Variants in RXFP1 observed in about 807,000 individuals in gnomAD.
RXFP1 encodes the protein relaxin receptor 1.
RXFP1 carries 73 observed loss-of-function variants against 89.8 expected under a neutral mutation model. The ratio of observed to expected loss-of-function variants is 0.81; its 90% CI spans 0.67 to 0.99. The LOEUF (loss-of-function observed/expected upper bound fraction) is 0.99, where lower values mean the gene tolerates loss of function less well. Among genes scored for constraint, RXFP1 ranks in the 50% least tolerant of loss-of-function variants. The pLI is 0.00. For missense variants in RXFP1, 793 were observed against 895.5 expected (o/e 0.89, Z 1.46); for synonymous variants, 277 against 305.5 (o/e 0.91, Z 0.97).
chr4:158,606,308 T>A (rs1293748677), intron 5 of RXFP1, among the ~76,000 whole-genome samples: 1 of 152,248 alleles, frequency 6.6e-6, no homozygotes. Flanking sequence ...AAACATTGAA[T>A]TAATTCTCTT....
At chr4:158,551,099 T>C (rs1412838702) in intron 1 of RXFP1, among the ~76,000 whole-genome samples, 1 of 151,620 alleles carries the variant, frequency 6.6e-6, no homozygotes, top group Non-Finnish European at 1.5e-5. Flanking sequence ...AATGAAAATG[T>C]GGTATATATA....
intron 9 of RXFP1, among the ~76,000 whole-genome samples, chr4:158,625,113 G>A (rs933289806): frequency 6.6e-6 from 1 of 152,112 alleles, no homozygotes; most frequent in South Asian, 2.1e-4. Context: ...TCAGGGTAAT[G>A]ATTAGCAACC....
intron 1 of RXFP1, among the ~76,000 whole-genome samples, chr4:158,565,312 T>C (rs1479693951): frequency 6.6e-6 from 1 of 152,230 alleles, no homozygotes; most frequent in African/African-American, 2.4e-5. Flanking sequence ...TAGTTTTCAG[T>C]ATTAGAAATA....
intron 2 of RXFP1, among the ~76,000 whole-genome samples, chr4:158,591,616 G>A (rs1239380677): frequency 6.6e-6 from 1 of 151,818 alleles, no homozygotes; most frequent in Non-Finnish European, 1.5e-5. Flanking sequence ...AGTCGTGGTG[G>A]TGCACCCCTA....
chr4:158,535,248 G>T (rs1024471891), intron 1 of RXFP1, among the ~76,000 whole-genome samples: 2 of 152,112 alleles, frequency 1.3e-5, no homozygotes, highest in African/African-American at 4.8e-5. Context: ...GCAGATGCTT[G>T]GAGATGAAGT....
intron 8 of RXFP1, among the ~76,000 whole-genome samples, chr4:158,616,752 A>G (rs1188490968): frequency 6.6e-6 from 1 of 151,510 alleles, no homozygotes; most frequent in African/African-American, 2.4e-5. Context: ...CAATCCCAGC[A>G]CTTTGGGAGT....
At chr4:158,543,765 A>G in intron 1 of RXFP1, 1 of 985,142 alleles carries the variant, frequency 1.0e-6, no homozygotes. Context: ...TTAACACTCC[A>G]TCTCCCACCT....
rs1554019454 is a variant in RXFP1 at position 158,626,117 on chromosome 4, T to TAGATAGATAGATAGAC, written c.756-688_756-687insCAGATAGATAGATAGA. 1.9e-4 allele frequency among the ~76,000 whole-genome samples: 10 copies of TAGATAGATAGATAGAC among 54,030 alleles called. 1 individual carries two copies. Among genetic ancestry groups the TAGATAGATAGATAGAC allele is most frequent in the African/African-American group, 6.5e-4 (10 of 15,332 alleles). The allele number at this position is 54,030 out of a possible 152,430, so 35.4% of individuals were successfully genotyped here. A position where few individuals can be genotyped will look rare whatever the true frequency, so the allele number is the denominator to read the frequency against. On this transcript the variant is annotated intron_variant, in intron 9 of 17. Coordinates refer to ENST00000307765, the MANE Select transcript of RXFP1 (RefSeq NM_021634.4). Reference sequence around the variant, plus strand: ...GATTATATTTAGATATCTATATAGATAGATAGATAGATAGATAGATAGATA... The same window carrying TAGATAGATAGATAGAC: ...GATTATATTTAGATATCTATATAGATAGATAGATAGATAGACAGATAGATAGATAGATAGATAGATA...
chr4:158,592,212 A>C (rs946096300), intron 2 of RXFP1, among the ~76,000 whole-genome samples: 6 of 152,218 alleles, frequency 3.9e-5, no homozygotes, highest in African/African-American at 9.6e-5. Flanking sequence ...TTTAGATACC[A>C]TGGTGCCTTT....
intron 1 of RXFP1, among the ~76,000 whole-genome samples, chr4:158,549,449 C>G (rs1383149585): frequency 6.6e-6 from 1 of 152,186 alleles, no homozygotes; most frequent in Non-Finnish European, 1.5e-5. Context: ...CTTCTCTCAG[C>G]TCGTCAAACT....
intron 17 of RXFP1, among the ~76,000 whole-genome samples, chr4:158,650,834 G>A (rs1772564413): frequency 6.6e-6 from 1 of 152,110 alleles, no homozygotes; most frequent in Non-Finnish European, 1.5e-5. Flanking sequence ...ATGGATGATG[G>A]TGATAGTATC....
chr4:158,579,338 G>A (rs752884790), intron 2 of RXFP1, among the ~76,000 whole-genome samples: 1 of 152,026 alleles, frequency 6.6e-6, no homozygotes, highest in Non-Finnish European at 1.5e-5. Flanking sequence ...GCACAATCTC[G>A]GCTCACTGCA....
At chr4:158,626,932 CT>C in intron 10 of RXFP1, 41 bp downstream of exon 10, 1 of 1,095,596 alleles carries the variant, frequency 9.1e-7, no homozygotes, top group Non-Finnish European at 1.3e-6. Context: ...ATTATCTTTT[CT>C]TACAAATAAA....
intron 14 of RXFP1, among the ~76,000 whole-genome samples, chr4:158,643,013 A>C (rs904962126): frequency 2.0e-5 from 3 of 152,210 alleles, no homozygotes; most frequent in African/African-American, 4.8e-5. Flanking sequence ...TTTGTATAGC[A>C]TGCGAAGAAG....
intron 1 of RXFP1, among the ~76,000 whole-genome samples, chr4:158,541,350 G>GCACACACA (rs58856633): frequency 0.11 from 15,443 of 139,548 alleles, 1,249 homozygotes; most frequent in African/African-American, 0.23. Context: ...AGAGCTTCAT[G>GCACACACA]CACACACACA....
Position 158,644,930 on chromosome 4 carries a change from C to T in RXFP1, c.1137C>T (p.Tyr379=). The T allele has an allele frequency of 1.2e-6, 2 of 1,613,302 alleles. No homozygotes were observed. The highest frequency in any genetic ancestry group is 2.2e-5 in the East Asian group (1 of 44,870). ...LSHIYFKKFQ[Y]CGYAPHVRSC... is the part of the protein sequence containing the mutation. ...CCAGATATTTTAAGAAATTCCAGTA[C>T]TGTGGGTATGCACCACATGTTCGCA... Residue 379 remains tyrosine (Y), a synonymous_variant, in exon 15 of 18, where the codon TAC becomes TAT. Coordinates refer to ENST00000307765, the MANE Select transcript of RXFP1 (RefSeq NM_021634.4).
At chr4:158,574,278 C>A (rs1306693984) in intron 2 of RXFP1, among the ~76,000 whole-genome samples, 2 of 152,102 alleles carry the variant, frequency 1.3e-5, no homozygotes, top group East Asian at 3.8e-4. Flanking sequence ...CTAATGAGGC[C>A]TTGCTGTGAT....
chr4:158,522,606 A>G (rs1019869950), intron 1 of RXFP1, among the ~76,000 whole-genome samples: 1 of 152,198 alleles, frequency 6.6e-6, no homozygotes, highest in African/African-American at 2.4e-5. Flanking sequence ...ATAATGACAA[A>G]TTTTGTTTTC....
Position 158,563,496 on chromosome 4 carries a change from G to GCACA in RXFP1, c.50-9164_50-9161dup, listed in dbSNP as rs145181248. Among the ~76,000 whole-genome samples the GCACA allele has an allele frequency of 4.2e-3, 598 of 142,490 alleles. 4 individuals are homozygous for GCACA. Among genetic ancestry groups the GCACA allele is most frequent in the African/African-American group, 0.015 (566 of 38,200 alleles). 93.5% of individuals were successfully genotyped at this position (142,490 alleles called of 152,430 possible). A position where few individuals can be genotyped will look rare whatever the true frequency, so the allele number is the denominator to read the frequency against. The stretch of plus-strand genomic sequence containing the variant: ...CAAATAATTCAAAGGAGAATTCAAT[G>GCACA]CACACACACACACACACACACACAC... On this transcript the variant is annotated intron_variant, in intron 1 of 17. Coordinates refer to ENST00000307765, the MANE Select transcript of RXFP1 (RefSeq NM_021634.4).
Sources: gnomAD v4.1 joint callset for allele counts (sites outside exome capture counted in the v4.1 genomes callset) on GRCh38, gnomAD v4.1.1 for gene constraint, MANE v1.5 for transcripts, NCBI Gene and HGNC (gene_info 2026-07-23, HGNC 2026-07-21) for gene names.